The following TRAPPC4 variants were observed in gnomAD, a reference collection of about 807,000 sequenced individuals.
TRAPPC4 encodes the protein TRS23 homolog.
TRAPPC4 carries 30 observed loss-of-function variants against 23.5 expected under a neutral mutation model. The ratio of observed to expected loss-of-function variants is 1.28; its 90% confidence interval spans 0.96 to 1.73. TRAPPC4 has a LOEUF of 1.73. Ranked by LOEUF, TRAPPC4 falls within the 40% of genes most tolerant of loss-of-function variation. The pLI is 0.00. For missense variants in TRAPPC4, 252 were observed against 268.9 expected (o/e 0.94, Z 0.44); for synonymous variants, 129 against 105.3 (o/e 1.23, Z -1.38).
At chr11:119,023,262 T>A in intron 4 of TRAPPC4, 59 bp from the exon 5 acceptor site, 2 of 1,546,148 alleles carry the variant, frequency 1.3e-6, no homozygotes, top group Non-Finnish European at 1.8e-6. Context: ...TCCCCTGGCT[T>A]AAGTGGGGAG....
intron 3 of TRAPPC4, chr11:119,021,490 G>A: frequency 3.3e-6 from 1 of 302,356 alleles, no homozygotes; most frequent in South Asian, 5.1e-5. Flanking sequence ...CAATGTTTCT[G>A]CTGAGGGACT....
At position 119,023,484 on chromosome 11, in the gene TRAPPC4, C is replaced by G; in HGVS notation, c.*85C>G. 2 of 1,324,184 alleles carry G rather than the reference C, an allele frequency of 1.5e-6. No homozygotes were observed. Among genetic ancestry groups the G allele is most frequent in the East Asian group, 4.6e-5 (2 of 43,298 alleles). 82.0% of individuals were successfully genotyped at this position (1,324,184 alleles called of 1,614,324 possible). On this transcript the variant is annotated 3_prime_UTR_variant, in exon 5 of 5. Transcript: ENST00000533632. ...GACACTCCAGTGGAAATCCCAGCAGCCTTGTTAGTGCACTTGAAAGTGGGA... is the reference window on the plus strand; with the variant it reads ...GACACTCCAGTGGAAATCCCAGCAGGCTTGTTAGTGCACTTGAAAGTGGGA...
chr11:119,021,604 CAA>C lies in TRAPPC4; in HGVS notation c.455-154_455-153del. On this transcript the variant is annotated intron_variant, in intron 3 of 4. Transcript: ENST00000533632. Reference sequence around the variant, plus strand: ...ACTTCTCTGGTCTCATCGGTAGATTCAAAGTCTTGCCTTTCCTGCATTATGTG... The same window carrying C: ...ACTTCTCTGGTCTCATCGGTAGATTCAGTCTTGCCTTTCCTGCATTATGTG... 4 of 765,720 alleles carry C rather than the reference CAA, an allele frequency of 5.2e-6. No homozygotes were observed. The South Asian group carries it at 7.7e-5, about 15-fold the overall frequency. 47.4% of individuals were successfully genotyped at this position (765,720 alleles called of 1,614,324 possible).
chr11:119,020,195 A>T lies in TRAPPC4; in HGVS notation c.396A>T (p.Ser132=). Reference sequence around the variant, plus strand: ...AGCTGTCTCCTGAACAGGGAAGCTCAGGCATTGAGATGCTGGAGACAGACA... The same window carrying T: ...AGCTGTCTCCTGAACAGGGAAGCTCTGGCATTGAGATGCTGGAGACAGACA... ...GSQLSPEQGS[S]GIEMLETDTF... The change falls in exon 3 of 5, where the codon TCA becomes TCT. Residue 132 remains serine (S), a synonymous_variant. Transcript: ENST00000533632. 5 of 1,614,018 alleles carry T rather than the reference A, an allele frequency of 3.1e-6. No individual in the cohort carries two copies. The highest frequency in any genetic ancestry group is 4.2e-6 in the Non-Finnish European group (5 of 1,179,990).
At chr11:119,023,263 A>G (rs1943443015) in intron 4 of TRAPPC4, 58 bp from the exon 5 acceptor site, 1 of 1,542,988 alleles carries the variant, frequency 6.5e-7, no homozygotes, top group Non-Finnish European at 9.0e-7. Context: ...CCCCTGGCTT[A>G]AGTGGGGAGA....
rs1299031509 is a variant in TRAPPC4 at position 119,020,169 on chromosome 11, C to T, written c.370C>T (p.Gln124Ter). The part of the protein sequence containing the change: ...MFHSLFAIGS[Q>*]LSPEQGSSGI... ...ATATAGGCTCTTTGCCATCGGCTCCCAGCTGTCTCCTGAACAGGGAAGCTC... is the reference window on the plus strand; with the variant it reads ...ATATAGGCTCTTTGCCATCGGCTCCTAGCTGTCTCCTGAACAGGGAAGCTC... Residue 124 changes from glutamine (Q) to a stop codon, truncating the protein, a stop_gained, in exon 3 of 5, where the codon CAG becomes TAG. Transcript: ENST00000533632. LOFTEE classifies it high-confidence loss of function. 1.2e-6 allele frequency: 2 copies of T among 1,613,880 alleles called. No individual in the cohort carries two copies. Among genetic ancestry groups the T allele is most frequent in the Non-Finnish European group, 1.7e-6 (2 of 1,179,902 alleles).
At position 119,023,168 on chromosome 11, in the gene TRAPPC4, T is replaced by C. The variant is rs111322300; in HGVS notation, c.582-153T>C. 136,238 of 639,856 alleles carry C rather than the reference T, an allele frequency of 0.21. 15,599 individuals carry two copies. The highest frequency in any genetic ancestry group is 0.31 in the South Asian group (15,771 of 50,670). 39.6% of individuals were successfully genotyped at this position (639,856 alleles called of 1,614,324 possible). ...TTAGTAGAGACAGGGTTTCACCATA[T>C]TGGCCAGGCTAGTCTCAAAGTCCTG... On this transcript the variant is annotated intron_variant, in intron 4 of 4. Coordinates refer to ENST00000533632, the MANE Select transcript of TRAPPC4 (RefSeq NM_016146.6).
intron 3 of TRAPPC4, 145 bp from the exon 4 acceptor site, chr11:119,021,615 C>G: frequency 1.2e-6 from 1 of 860,182 alleles, no homozygotes; most frequent in Non-Finnish European, 1.7e-6. Flanking sequence ...AAAGTCTTGC[C>G]TTTCCTGCAT....
Position 119,019,300 on chromosome 11 carries a change from G to A in TRAPPC4, c.333G>A (p.Leu111=). 1 of 1,613,934 alleles carries A rather than the reference G, an allele frequency of 6.2e-7. No homozygotes were observed. Among genetic ancestry groups the A allele is most frequent in the South Asian group, 1.1e-5 (1 of 91,070 alleles). ...TCACTTCTAATGAGAAGCTTATGCT[G>A]GCCTCCATGTTCCACTCGTAAGTCC... ...PRLTSNEKLM[L]ASMFHSLFAI... The change falls in exon 2 of 5, where the codon CTG becomes CTA. Residue 111 remains leucine, a synonymous_variant. Transcript: ENST00000533632.
At chr11:119,020,660 T>TCAAC (rs1943332385) in intron 3 of TRAPPC4, 1 of 163,468 alleles carries the variant, frequency 6.1e-6, no homozygotes, top group Non-Finnish European at 1.3e-5. Context: ...CCTCCCAAAG[T>TCAAC]GTTGGGATTA....
chr11:119,022,094 C>T (rs1943375823), intron 4 of TRAPPC4, among the ~76,000 whole-genome samples: 2 of 152,188 alleles, frequency 1.3e-5, no homozygotes, highest in Admixed American at 6.5e-5. Flanking sequence ...AAGCGATTCT[C>T]CTGGCTCAGC....
chr11:119,023,163 C>G (rs150494623), intron 4 of TRAPPC4, 158 bp from the exon 5 acceptor site: 9,353 of 614,892 alleles, frequency 0.015, 157 homozygotes, highest in East Asian at 0.042. Context: ...CAGGGTTTCA[C>G]CATATTGGCC....
intron 2 of TRAPPC4, 30 bp downstream of exon 2, chr11:119,019,347 C>G (rs1388807989): frequency 3.8e-6 from 6 of 1,593,924 alleles, no homozygotes; most frequent in Middle Eastern, 1.7e-4. Context: ...AACGGCAGCG[C>G]TTGTAATTTG....
chr11:119,020,429 C>CTTT, intron 3 of TRAPPC4, 176 bp downstream of exon 3: 1 of 360,416 alleles, frequency 2.8e-6, no homozygotes, highest in Middle Eastern at 8.7e-4. Context: ...TGGCACAATT[C>CTTT]TTTTTTTTTT....
chr11:119,021,804 G>C lies in TRAPPC4; in HGVS notation c.499G>C (p.Asp167His). Residue 167 changes from aspartate (D) to histidine (H), a missense_variant, in exon 4 of 5, where the codon GAT becomes CAT. By Grantham distance (81) the Asp-to-His change is moderately conservative. Transcript: ENST00000533632. ...VLADPRQAGI[D>H]SLLRKIYEIY... ...AGCAGATCCTAGGCAAGCTGGAATA[G>C]ATTCTCTTCTCCGAAAGATTTATGA... 6 of 1,614,130 alleles carry C rather than the reference G, an allele frequency of 3.7e-6. No homozygotes were observed. The highest frequency in any genetic ancestry group is 5.1e-6 in the Non-Finnish European group (6 of 1,180,014).
rs782531656 is a variant in TRAPPC4 at position 119,019,137 on chromosome 11, C to T, written c.176-6C>T. On this transcript the variant is annotated splice_region_variant and splice_polypyrimidine_tract_variant and intron_variant, in intron 1 of 4. Transcript: ENST00000533632. ...CCTTCGCTGACCGTTAGCTTCACCT[C>T]TGCAGTGGGTCATGCAGTGCTGGCC... is the stretch of plus-strand genomic sequence containing the variant. The T allele has an allele frequency of 1.2e-6, 2 of 1,613,558 alleles. No homozygotes were observed. Among genetic ancestry groups the T allele is most frequent in the Middle Eastern group, 1.7e-4 (1 of 6,058 alleles).
chr11:119,022,283 C>T (rs1359201959), intron 4 of TRAPPC4, among the ~76,000 whole-genome samples: 2 of 152,150 alleles, frequency 1.3e-5, no homozygotes, highest in African/African-American at 2.4e-5. Context: ...TGCGCCCGGC[C>T]GAGTATTACT....
intron 4 of TRAPPC4, 84 bp downstream of exon 4, chr11:119,021,970 T>C (rs1943370324): frequency 1.3e-6 from 2 of 1,508,834 alleles, no homozygotes; most frequent in East Asian, 2.3e-5. Flanking sequence ...TGAAGCATAG[T>C]AGAGTATTAC....
intron 4 of TRAPPC4, 29 bp downstream of exon 4, chr11:119,021,915 T>G: frequency 6.2e-7 from 1 of 1,612,826 alleles, no homozygotes; most frequent in Non-Finnish European, 8.5e-7. Flanking sequence ...CAGATACTGT[T>G]TAAAGCGTCC....
Sources: allele counts gnomAD v4.1 joint callset (sites outside exome capture counted in the v4.1 genomes callset), GRCh38; gene constraint gnomAD v4.1.1; transcripts MANE v1.5; gene names NCBI Gene and HGNC (gene_info 2026-07-23, HGNC 2026-07-21).